The following CACNG5 variants were observed in gnomAD, a reference collection of about 807,000 sequenced individuals.
The protein encoded by CACNG5 is voltage-dependent calcium channel gamma-5 subunit.
A neutral mutation model predicts 24.8 loss-of-function variants in CACNG5; 18 were observed. The observed-to-expected ratio is 0.73, with a 90% CI of 0.50 to 1.08. The LOEUF (loss-of-function observed/expected upper bound fraction) is 1.08, where lower values mean the gene tolerates loss of function less well. Ranked by LOEUF, CACNG5 falls within the 50% of genes least tolerant of loss-of-function variation. CACNG5 has a pLI of 0.00. For missense variants in CACNG5, 349 were observed against 367.9 expected (o/e 0.95, Z 0.42); for synonymous variants, 157 against 149.1 (o/e 1.05, Z -0.39).
chr17:66,875,908 C>T (rs763375120), intron 1 of CACNG5, among the ~76,000 whole-genome samples: 7 of 152,192 alleles, frequency 4.6e-5, no homozygotes, highest in Non-Finnish European at 1.0e-4. Context: ...GCTCTGCCTG[C>T]CCCCTCCAGC....
chr17:66,862,932 G>A (rs1237010113), intron 1 of CACNG5, among the ~76,000 whole-genome samples: 1 of 139,530 alleles, frequency 7.2e-6, no homozygotes, highest in Non-Finnish European at 1.6e-5. Flanking sequence ...GTGTGTGTGT[G>A]TGTGTGTCTC....
intron 1 of CACNG5, among the ~76,000 whole-genome samples, chr17:66,868,494 A>G (rs1185165435): frequency 2.0e-5 from 3 of 152,212 alleles, no homozygotes; most frequent in Non-Finnish European, 4.4e-5. Flanking sequence ...GGCCTCAACA[A>G]TGTGGCAGAG....
In CACNG5 at chr17:66,877,516, T is replaced by G; in HGVS notation, c.184T>G (p.Cys62Gly). ...CCTGCACTCAGGCCTCTGGCGGGTC[T>G]GCTTCCTTGCAGGTAAGGGTGCCCA... is the stretch of plus-strand genomic sequence containing the variant. ...MSLHSGLWRV[C>G]FLAGEERGRC... Residue 62 changes from cysteine (C) to glycine (G), a missense_variant, in exon 2 of 6, where the codon TGC becomes GGC. By Grantham distance (159) the Cys-to-Gly change is radical. Coordinates refer to ENST00000533854, the MANE Select transcript of CACNG5 (RefSeq NM_145811.3). 1.2e-6 allele frequency: 2 copies of G among 1,613,444 alleles called. No homozygotes were observed. The highest frequency in any genetic ancestry group is 2.7e-5 in the African/African-American group (2 of 74,930).
Position 66,892,918 on chromosome 17 carries a change from A to C in CACNG5, c.*7678A>C, listed in dbSNP as rs1977364163. Among the ~76,000 whole-genome samples, 1 of 152,236 alleles carries C rather than the reference A, an allele frequency of 6.6e-6. No individual in the cohort carries two copies. Among genetic ancestry groups the C allele is most frequent in the African/African-American group, 2.4e-5 (1 of 41,460 alleles). On this transcript the variant is annotated 3_prime_UTR_variant, in exon 6 of 6. Coordinates refer to ENST00000533854, the MANE Select transcript of CACNG5 (RefSeq NM_145811.3). ...GATTCACCATCTTCAACCCAGGCAC[A>C]GTCTCTTGCAAATGTCGATTCAGAT...
chr17:66,842,892 T>C (rs1976587114), intron 1 of CACNG5, among the ~76,000 whole-genome samples: 2 of 152,186 alleles, frequency 1.3e-5, no homozygotes, highest in Non-Finnish European at 2.9e-5. Flanking sequence ...GAGCAGGGAC[T>C]GTGGGGAGCA....
intron 1 of CACNG5, among the ~76,000 whole-genome samples, chr17:66,870,261 C>T (rs1468281036): frequency 2.0e-5 from 3 of 152,122 alleles, no homozygotes; most frequent in Admixed American, 1.3e-4. Flanking sequence ...TCCGAAGGCT[C>T]GACTGGGCTG....
chr17:66,879,945 C>T (rs899987457), intron 3 of CACNG5, among the ~76,000 whole-genome samples: 5 of 152,128 alleles, frequency 3.3e-5, no homozygotes, highest in Non-Finnish European at 7.4e-5. Context: ...TTCTAGCCCC[C>T]ATCCTGAGTC....
Position 66,885,386 on chromosome 17 carries a change from G to A in CACNG5, c.*146G>A. On this transcript the variant is annotated 3_prime_UTR_variant, in exon 6 of 6. Transcript: ENST00000533854. Reference sequence around the variant, plus strand: ...GTCACTTGACCCCAGTCCTCTCCCTGCTTCTCCAGAAGGGCTCTAACTGCC... The same window carrying A: ...GTCACTTGACCCCAGTCCTCTCCCTACTTCTCCAGAAGGGCTCTAACTGCC... 1 of 970,680 alleles carries A rather than the reference G, an allele frequency of 1.0e-6. No homozygotes were observed. The highest frequency in any genetic ancestry group is 2.6e-5 in the East Asian group (1 of 38,808). 60.1% of individuals were successfully genotyped at this position (970,680 alleles called of 1,614,324 possible).
At chr17:66,876,738 G>A (rs1275573238) in intron 1 of CACNG5, among the ~76,000 whole-genome samples, 1 of 152,158 alleles carries the variant, frequency 6.6e-6, no homozygotes, top group Non-Finnish European at 1.5e-5. Context: ...GTCTGGAGCT[G>A]GCATCTCTCA....
rs1472867918 is a variant in CACNG5, at chr17:66,888,270, C to T, written c.*3030C>T. Among the ~76,000 whole-genome samples, 6 of 146,602 alleles carry T rather than the reference C, an allele frequency of 4.1e-5. No homozygotes were observed. Among genetic ancestry groups the T allele is most frequent in the Non-Finnish European group, 6.0e-5 (4 of 67,224 alleles). On this transcript the variant is annotated 3_prime_UTR_variant, in exon 6 of 6. Coordinates refer to ENST00000533854, the MANE Select transcript of CACNG5 (RefSeq NM_145811.3). The stretch of plus-strand genomic sequence containing the variant: ...AGAGTTAAAGAAAGAGGAGGCCTGG[C>T]GCAGTGGCTCATGCCTGTAATCCCA...
Position 66,886,303 on chromosome 17 carries a change from C to T in CACNG5, c.*1063C>T, listed in dbSNP as rs1188407290. ...GACTTGGAATAATCCAGCTGCTCTC[C>T]GAAGGCTGCCTGTGAACATTGGGGG... On this transcript the variant is annotated 3_prime_UTR_variant, in exon 6 of 6. Coordinates refer to ENST00000533854, the MANE Select transcript of CACNG5 (RefSeq NM_145811.3). Among the ~76,000 whole-genome samples the T allele has an allele frequency of 1.3e-5, 2 of 152,142 alleles. No homozygotes were observed. Among genetic ancestry groups the T allele is most frequent in the East Asian group, 1.9e-4 (1 of 5,184 alleles).
chr17:66,890,037 C>G lies in CACNG5; in HGVS notation c.*4797C>G, dbSNP rs1977320136. 6.6e-6 allele frequency among the ~76,000 whole-genome samples: 1 copy of G among 152,202 alleles called. No individual in the cohort carries two copies. Among genetic ancestry groups the G allele is most frequent in the African/African-American group, 2.4e-5 (1 of 41,438 alleles). ...GGTATGAGGGCCAATTGGCAGCTCT[C>G]CAAGTCTTGACTTTCTCCCCACACT... On this transcript the variant is annotated 3_prime_UTR_variant, in exon 6 of 6. Coordinates refer to ENST00000533854, the MANE Select transcript of CACNG5 (RefSeq NM_145811.3).
intron 1 of CACNG5, among the ~76,000 whole-genome samples, chr17:66,864,800 T>C (rs945640458): frequency 2.0e-5 from 3 of 152,224 alleles, no homozygotes; most frequent in African/African-American, 4.8e-5. Flanking sequence ...CCCAGAACCA[T>C]GTGTCATCTT....
At chr17:66,837,698 T>C (rs1976499904) in intron 1 of CACNG5, among the ~76,000 whole-genome samples, 1 of 152,184 alleles carries the variant, frequency 6.6e-6, no homozygotes, top group Non-Finnish European at 1.5e-5. Flanking sequence ...AATGACTTGT[T>C]GAGAAGCTTT....
At chr17:66,854,487 G>A (rs1976745471) in intron 1 of CACNG5, among the ~76,000 whole-genome samples, 1 of 149,738 alleles carries the variant, frequency 6.7e-6, no homozygotes, top group Non-Finnish European at 1.5e-5. Context: ...GAGGTCAGGA[G>A]TTCGAGACCA....
chr17:66,874,363 G>A (rs572033652), intron 1 of CACNG5, among the ~76,000 whole-genome samples: 15 of 152,296 alleles, frequency 9.8e-5, no homozygotes, highest in South Asian at 2.1e-4. Context: ...CAGAATACCT[G>A]AGACTGGATA....
At chr17:66,854,646 A>T (rs563603713) in intron 1 of CACNG5, among the ~76,000 whole-genome samples, 2 of 152,176 alleles carry the variant, frequency 1.3e-5, no homozygotes, top group South Asian at 4.1e-4. Flanking sequence ...GTGAGCCAAG[A>T]TCGCGCCACT....
At chr17:66,862,690 A>G (rs539828138) in intron 1 of CACNG5, among the ~76,000 whole-genome samples, 2 of 121,984 alleles carry the variant, frequency 1.6e-5, no homozygotes, top group Admixed American at 2.0e-4. Context: ...TCATTGAAGC[A>G]GCAGAGATAT....
At position 66,884,670 on chromosome 17, in the gene CACNG5, C is replaced by CCTAA. The variant is rs758949715; in HGVS notation, c.570+9_570+10insCTAA. The CCTAA allele has an allele frequency of 1.2e-6, 2 of 1,614,204 alleles. No individual in the cohort carries two copies. Among genetic ancestry groups the CCTAA allele is most frequent in the South Asian group, 2.2e-5 (2 of 91,082 alleles). On this transcript the variant is annotated intron_variant, in intron 5 of 5. Coordinates refer to ENST00000533854, the MANE Select transcript of CACNG5 (RefSeq NM_145811.3). ...CCTTCCTTTTAACGGAGGTAAAGCC[C>CCTAA]GTCACCCTAAGTATGGATAGGCTGG...
Sources: allele counts gnomAD v4.1 joint callset (sites outside exome capture counted in the v4.1 genomes callset), GRCh38; gene constraint gnomAD v4.1.1; transcripts MANE v1.5; gene names NCBI Gene and HGNC (gene_info 2026-07-23, HGNC 2026-07-21).